SNX27: variants seen among roughly 807,000 people sequenced by gnomAD.
The protein encoded by SNX27 is sorting nexin 27.
In SNX27, 22 loss-of-function variants were observed where a neutral mutation model predicts 71.6. The observed-to-expected ratio is 0.31, with a 90% CI of 0.22 to 0.44. SNX27 has a LOEUF of 0.44. Ranked by LOEUF, SNX27 falls within the 20% of genes least tolerant of loss-of-function variation. The pLI, the probability that SNX27 is intolerant of heterozygous loss-of-function variation, is 1.00. For missense variants in SNX27, 531 were observed against 698.6 expected (o/e 0.76, Z 2.70); for synonymous variants, 269 against 277.2 (o/e 0.97, Z 0.29).
chr1:151,693,512 T>C, intron 11 of SNX27, 29 bp downstream of exon 11: 1 of 1,613,790 alleles, frequency 6.2e-7, no homozygotes, highest in African/African-American at 1.3e-5. Flanking sequence ...TGAATTGACC[T>C]TTTCATCTTT....
chr1:151,694,120 T>C, intron 11 of SNX27: 2 of 1,277,968 alleles, frequency 1.6e-6, no homozygotes, highest in Non-Finnish European at 9.9e-7. Flanking sequence ...CTGTGTAATT[T>C]TGGGTAAATC....
intron 2 of SNX27, among the ~76,000 whole-genome samples, chr1:151,644,333 A>G (rs1048044465): frequency 2.6e-5 from 4 of 152,168 alleles, no homozygotes; most frequent in African/African-American, 4.8e-5. Flanking sequence ...GCACTAATCT[A>G]TCCTCTGTCT....
In SNX27 at chr1:151,695,942, G is replaced by C. The variant is rs1671680919; in HGVS notation, c.*1525G>C. On this transcript the variant is annotated 3_prime_UTR_variant, in exon 12 of 12. Transcript: ENST00000458013. ...GGAAGGGATCCAATAGTATCTTCAA[G>C]GCCTTGGGGAAACTTGCAGTGGGTC... is the stretch of plus-strand genomic sequence containing the variant. 1.3e-5 allele frequency: 2 copies of C among 152,258 alleles called. No individual in the cohort carries two copies. The highest frequency in any genetic ancestry group is 4.8e-5 in the African/African-American group (2 of 41,430). 9.4% of individuals were successfully genotyped at this position (152,258 alleles called of 1,614,324 possible).
chr1:151,665,662 T>C (rs995126412), intron 5 of SNX27, among the ~76,000 whole-genome samples: 1 of 152,198 alleles, frequency 6.6e-6, no homozygotes, highest in East Asian at 1.9e-4. Flanking sequence ...TATTATCAGC[T>C]TACACTGGAA....
rs372539403 is a variant in SNX27 at position 151,696,223 on chromosome 1, G to A, written c.*1806G>A. 1.2e-4 allele frequency: 19 copies of A among 152,322 alleles called. No individual in the cohort carries two copies. The highest frequency in any genetic ancestry group is 4.6e-4 in the African/African-American group (19 of 41,576). 9.4% of individuals were successfully genotyped at this position (152,322 alleles called of 1,614,324 possible). A position where few individuals can be genotyped will look rare whatever the true frequency, so the allele number is the denominator to read the frequency against. On this transcript the variant is annotated 3_prime_UTR_variant, in exon 12 of 12. Transcript: ENST00000458013. Reference sequence around the variant, plus strand: ...GTAGGACAATATTCCCAGCCCCTAAGCTCTGTAGATAATGCATAAGAAGCA... The same window carrying A: ...GTAGGACAATATTCCCAGCCCCTAAACTCTGTAGATAATGCATAAGAAGCA...
chr1:151,618,751 T>A (rs139093156), intron 1 of SNX27, among the ~76,000 whole-genome samples: 10 of 152,180 alleles, frequency 6.6e-5, no homozygotes, highest in African/African-American at 2.4e-4. Context: ...CTTTGGCAGG[T>A]TCATTCATTA....
Position 151,612,640 on chromosome 1 carries a change from C to T in SNX27, c.311+128C>T. ...CGAGCCGGCCTCCGGACCCCCGCCC[C>T]TCAGGCCTCCGCAGCCGGGCCCCTC... On this transcript the variant is annotated intron_variant, in intron 1 of 11. Coordinates refer to ENST00000458013, the MANE Select transcript of SNX27 (RefSeq NM_001330723.2). The surrounding 1 kb of genome is among the most constrained non-coding windows in gnomAD (Gnocchi z 5.2). 1.4e-6 allele frequency: 1 copy of T among 723,318 alleles called. No homozygotes were observed. Among genetic ancestry groups the T allele is most frequent in the Non-Finnish European group, 2.0e-6 (1 of 511,358 alleles). The allele number at this position is 723,318 out of a possible 1,614,324, so 44.8% of individuals were successfully genotyped here. A position where few individuals can be genotyped will look rare whatever the true frequency, so the allele number is the denominator to read the frequency against.
intron 2 of SNX27, among the ~76,000 whole-genome samples, chr1:151,656,993 C>T (rs1669726222): frequency 6.6e-6 from 1 of 152,000 alleles, no homozygotes; most frequent in Admixed American, 6.6e-5. Flanking sequence ...GCAAGGGAAT[C>T]ATGAACATGG....
chr1:151,625,607 G>A (rs1667890024), intron 1 of SNX27, among the ~76,000 whole-genome samples: 1 of 151,512 alleles, frequency 6.6e-6, no homozygotes, highest in Admixed American at 6.6e-5. Flanking sequence ...GAGGCTGAAG[G>A]GGCAGATCAC....
intron 2 of SNX27, among the ~76,000 whole-genome samples, chr1:151,643,264 TTTTATTTATTTATTTATTTA>T (rs201505831): frequency 5.0e-4 from 70 of 139,108 alleles, no homozygotes; most frequent in African/African-American, 1.3e-3. Context: ...ACGCCTGGCC[TTTTATTTATTTATTTATTTA>T]TTTATTTATT....
At position 151,649,458 on chromosome 1, in the gene SNX27, T is replaced by C. The variant is rs146889912; in HGVS notation, c.544-8777T>C. On this transcript the variant is annotated intron_variant, in intron 2 of 11. Coordinates refer to ENST00000458013, the MANE Select transcript of SNX27 (RefSeq NM_001330723.2). ...ATAGCTGGGCATGGTGACACAATGC[T>C]GGTAGTCCCACTTACTTGGGAGGCT... 2.1e-3 allele frequency among the ~76,000 whole-genome samples: 316 copies of C among 152,120 alleles called. 2 individuals carry two copies. The highest frequency in any genetic ancestry group is 7.2e-3 in the African/African-American group (297 of 41,518).
intron 2 of SNX27, among the ~76,000 whole-genome samples, chr1:151,651,285 C>A (rs995558247): frequency 6.6e-6 from 1 of 150,880 alleles, no homozygotes; most frequent in Non-Finnish European, 1.5e-5. Context: ...GGAGGCTGAC[C>A]CCCCTACCTC....
chr1:151,638,981 A>G lies in SNX27; in HGVS notation c.405A>G (p.Val135=). 1.2e-6 allele frequency: 2 copies of G among 1,614,034 alleles called. No homozygotes were observed. Among genetic ancestry groups the G allele is most frequent in the Non-Finnish European group, 1.7e-6 (2 of 1,179,968 alleles). ...AATTGATCTTGACAGTGTTATCTGT[A>G]CCTCCTCATGAGGCAGATAACCTAG... The part of the protein sequence containing the change: ...EKELILTVLS[V]PPHEADNLDP... Residue 135 remains valine (V), a synonymous_variant, in exon 2 of 12, where the codon GTA becomes GTG. Coordinates refer to ENST00000458013, the MANE Select transcript of SNX27 (RefSeq NM_001330723.2).
chr1:151,615,748 A>G (rs1667396415), intron 1 of SNX27: 1 of 982,774 alleles, frequency 1.0e-6, no homozygotes. Context: ...TATTGTGTTT[A>G]CAAATTGTTT....
intron 2 of SNX27, among the ~76,000 whole-genome samples, chr1:151,657,948 C>T (rs1268385587): frequency 6.6e-6 from 1 of 152,086 alleles, no homozygotes; most frequent in Non-Finnish European, 1.5e-5. Flanking sequence ...TTACAATGAG[C>T]CGAGATCATG....
At chr1:151,644,207 A>G (rs1208547079) in intron 2 of SNX27, among the ~76,000 whole-genome samples, 2 of 152,252 alleles carry the variant, frequency 1.3e-5, no homozygotes, top group East Asian at 1.9e-4. Context: ...TTATGACTCA[A>G]AGTTAGCACT....
intron 2 of SNX27, among the ~76,000 whole-genome samples, chr1:151,649,097 G>C (rs183394755): frequency 5.9e-4 from 90 of 151,682 alleles, no homozygotes; most frequent in African/African-American, 2.0e-3. Context: ...GAGTAGCTGG[G>C]ATTATAGGCG....
Position 151,692,432 on chromosome 1 carries a change from T to TTTTTTAAA in SNX27, c.1240-3_1240-2insTTTTTAAA. The TTTTTTAAA allele has an allele frequency of 1.4e-6, 2 of 1,452,060 alleles. No individual in the cohort carries two copies. Among genetic ancestry groups the TTTTTTAAA allele is most frequent in the Non-Finnish European group, 9.1e-7 (1 of 1,101,920 alleles). The allele number at this position is 1,452,060 out of a possible 1,614,324, so 89.9% of individuals were successfully genotyped here. A position where few individuals can be genotyped will look rare whatever the true frequency, so the allele number is the denominator to read the frequency against. On this transcript the variant is annotated splice_polypyrimidine_tract_variant and splice_region_variant and intron_variant, in intron 8 of 11. Coordinates refer to ENST00000458013, the MANE Select transcript of SNX27 (RefSeq NM_001330723.2). The stretch of plus-strand genomic sequence containing the variant: ...TTTTTTTTTTTTTTTTTTTTTTTTT[T>TTTTTTAAA]AGTACCTCAACATGCTAAGGACTTG...
intron 1 of SNX27, among the ~76,000 whole-genome samples, chr1:151,617,616 C>T (rs559831636): frequency 6.6e-6 from 1 of 152,320 alleles, no homozygotes; most frequent in African/African-American, 2.4e-5. Flanking sequence ...GATCTTCACA[C>T]AGTCCTGTGA....
Sources: allele counts gnomAD v4.1 joint callset (sites outside exome capture counted in the v4.1 genomes callset), GRCh38; gene constraint gnomAD v4.1.1; non-coding constraint Gnocchi (gnomAD v3.1); transcripts MANE v1.5; gene names NCBI Gene and HGNC (gene_info 2026-07-23, HGNC 2026-07-21).